The following CCDC93 variants were observed in gnomAD, a reference collection of about 807,000 sequenced individuals.
The protein encoded by CCDC93 is CCC complex scaffolding subunit CCDC93, also known as coiled-coil domain-containing protein 93.
CCDC93 carries 61 observed loss-of-function variants against 108.2 expected under a neutral mutation model. The ratio of observed to expected loss-of-function variants is 0.56; its 90% CI spans 0.46 to 0.70. The LOEUF is 0.70. Among genes scored for constraint, CCDC93 ranks in the 30% least tolerant of loss-of-function variants. The pLI, the probability that CCDC93 is intolerant of heterozygous loss-of-function variation, is 0.00. For missense variants in CCDC93, 685 were observed against 764.2 expected, an observed-to-expected ratio of 0.90 and a Z score of 1.22; for synonymous variants, 276 against 260.4, an observed-to-expected ratio of 1.06 and a Z score of -0.58.
At chr2:117,954,405 C>T (rs1679155033) in intron 12 of CCDC93, among the ~76,000 whole-genome samples, 1 of 151,786 alleles carries the variant, frequency 6.6e-6, no homozygotes, top group South Asian at 2.1e-4. Context: ...GAAGAAAAGG[C>T]TCATCTCTTT....
intron 18 of CCDC93, among the ~76,000 whole-genome samples, chr2:117,943,574 A>G (rs1051220392): frequency 2.3e-4 from 35 of 152,328 alleles, no homozygotes; most frequent in African/African-American, 8.4e-4. Flanking sequence ...AGTGTGACAC[A>G]AGGAATTTTT....
chr2:118,005,956 C>T (rs1238559456), intron 3 of CCDC93, among the ~76,000 whole-genome samples: 2 of 152,102 alleles, frequency 1.3e-5, no homozygotes, highest in African/African-American at 4.8e-5. Context: ...AATCTTTGGC[C>T]AACAGTAGGA....
chr2:118,007,679 AAAC>A (rs138720923), intron 2 of CCDC93, among the ~76,000 whole-genome samples: 8,544 of 152,236 alleles, frequency 0.056, 293 homozygotes, highest in Non-Finnish European at 0.082. Context: ...ACAAACAAAC[AAAC>A]AACAACAACA....
chr2:117,920,203 G>A lies in CCDC93; in HGVS notation c.*140C>T. ...AACAGAGATGAATGGAAGCAAAGAGGAGAAAGAAAACATCCAGGTTGTTGA... is the reference window on the plus strand; with the variant it reads ...AACAGAGATGAATGGAAGCAAAGAGAAGAAAGAAAACATCCAGGTTGTTGA... On this transcript the variant is annotated 3_prime_UTR_variant, in exon 24 of 24. Transcript: ENST00000376300. 3.6e-6 allele frequency: 2 copies of A among 558,026 alleles called. No homozygotes were observed. The highest frequency in any genetic ancestry group is 5.8e-5 in the East Asian group (2 of 34,692). The allele number at this position is 558,026 out of a possible 1,614,324, so 34.6% of individuals were successfully genotyped here.
In CCDC93 at chr2:117,931,029, C is replaced by T; in HGVS notation, c.1842+8G>A. ...TAGCCTTAATGTGCTACCCAGCCTT[C>T]CTCTTACCTCCTTGAACTCTTTCAC... On this transcript the variant is annotated splice_region_variant and intron_variant, in intron 23 of 23. Transcript: ENST00000376300. The T allele has an allele frequency of 4.5e-6, 7 of 1,568,914 alleles. No individual in the cohort carries two copies. Among genetic ancestry groups the T allele is most frequent in the Non-Finnish European group, 6.1e-6 (7 of 1,142,086 alleles).
At chr2:117,983,044 A>T (rs1236414783) in intron 7 of CCDC93, among the ~76,000 whole-genome samples, 2 of 152,188 alleles carry the variant, frequency 1.3e-5, no homozygotes. Context: ...TCTCTTATCT[A>T]TATAAAGACT....
At chr2:117,991,874 T>G (rs886090674) in intron 6 of CCDC93, among the ~76,000 whole-genome samples, 1 of 152,202 alleles carries the variant, frequency 6.6e-6, no homozygotes, top group Admixed American at 6.5e-5. Context: ...CTGTTTAATT[T>G]TTTGTACTGA....
At chr2:117,939,161 C>A (rs1043112343) in intron 19 of CCDC93, 50 bp from the exon 20 acceptor site, 2 of 1,070,822 alleles carry the variant, frequency 1.9e-6, no homozygotes, top group East Asian at 2.4e-5. Context: ...TATCAGAACA[C>A]CCTACCTGCC....
At chr2:117,925,161 A>G (rs953984856) in intron 23 of CCDC93, among the ~76,000 whole-genome samples, 71 of 152,358 alleles carry the variant, frequency 4.7e-4, no homozygotes, top group African/African-American at 1.6e-3. Flanking sequence ...CAGCCACTGC[A>G]AAAACATGCC....
intron 17 of CCDC93, among the ~76,000 whole-genome samples, chr2:117,945,048 A>G (rs1264142541): frequency 6.6e-6 from 1 of 152,236 alleles, no homozygotes; most frequent in African/African-American, 2.4e-5. Context: ...GAACACAGCC[A>G]TGTCCATTCA....
At position 118,008,671 on chromosome 2, in the gene CCDC93, G is replaced by T; in HGVS notation, c.43-13C>A. 1.3e-6 allele frequency: 2 copies of T among 1,555,748 alleles called. No homozygotes were observed. The highest frequency in any genetic ancestry group is 1.8e-6 in the Non-Finnish European group (2 of 1,128,942). ...CTCTTGTTTCCACCTAAAATAAAAG[G>T]TAAAACTTTGGCTGGTAAAAGATAT... On this transcript the variant is annotated splice_polypyrimidine_tract_variant and intron_variant, in intron 1 of 23. Coordinates refer to ENST00000376300, the MANE Select transcript of CCDC93 (RefSeq NM_019044.5).
rs2104739926 is a variant in CCDC93, at chr2:117,948,141, C to T, written c.1188G>A (p.Leu396=). 1.9e-6 allele frequency: 3 copies of T among 1,613,996 alleles called. No individual in the cohort carries two copies. Among genetic ancestry groups the T allele is most frequent in the Non-Finnish European group, 2.5e-6 (3 of 1,179,896 alleles). Residue 396 remains leucine (L), a synonymous_variant, in exon 15 of 24, where the codon CTG becomes CTA. Coordinates refer to ENST00000376300, the MANE Select transcript of CCDC93 (RefSeq NM_019044.5). ...LRALVAMNEN[L]KSQEQEFKAH... is the part of the protein sequence containing the mutation. Reference sequence around the variant, plus strand: ...CTTTAAATTCCTGTTCTTGACTTTTCAGATTTTCATTCATGGCTACAAGTG... The same window carrying T: ...CTTTAAATTCCTGTTCTTGACTTTTTAGATTTTCATTCATGGCTACAAGTG...
At chr2:117,982,758 G>C (rs1009477298) in intron 7 of CCDC93, among the ~76,000 whole-genome samples, 11 of 4,300 alleles carry the variant, frequency 2.6e-3, no homozygotes, top group East Asian at 0.25. Context: ...AGTGTAGTGG[G>C]GGGGGGGGTG....
intron 1 of CCDC93, among the ~76,000 whole-genome samples, chr2:118,010,413 C>A (rs2104837500): frequency 6.6e-6 from 1 of 152,242 alleles, no homozygotes; most frequent in South Asian, 2.1e-4. Context: ...AAATAAAAAA[C>A]CATCTCTCTA....
chr2:117,926,378 T>A (rs1307328493), intron 23 of CCDC93, among the ~76,000 whole-genome samples: 1 of 151,850 alleles, frequency 6.6e-6, no homozygotes, highest in Non-Finnish European at 1.5e-5. Flanking sequence ...CTAGCAAGAC[T>A]AATAAAGAAG....
At chr2:117,949,784 C>G (rs899860453) in intron 13 of CCDC93, 1 of 985,402 alleles carries the variant, frequency 1.0e-6, no homozygotes, top group Non-Finnish European at 1.2e-6. Context: ...GCCACCCCTT[C>G]TTGCCCTAAG....
At chr2:117,962,713 A>G (rs1425693478) in intron 11 of CCDC93, among the ~76,000 whole-genome samples, 1 of 152,224 alleles carries the variant, frequency 6.6e-6, no homozygotes, top group Non-Finnish European at 1.5e-5. Flanking sequence ...AAATCTAAGA[A>G]CTAGCAAGAA....
rs1677793241 is a variant in CCDC93 at position 117,919,542 on chromosome 2, A to G, written c.*801T>C. Reference sequence around the variant, plus strand: ...CGTAGCCTCATCAAATGTGCCTTCAATGAGGGGGATGCACAGCCCCTCTGC... The same window carrying G: ...CGTAGCCTCATCAAATGTGCCTTCAGTGAGGGGGATGCACAGCCCCTCTGC... On this transcript the variant is annotated 3_prime_UTR_variant, in exon 24 of 24. Coordinates refer to ENST00000376300, the MANE Select transcript of CCDC93 (RefSeq NM_019044.5). 2 of 152,292 alleles carry G rather than the reference A, an allele frequency of 1.3e-5. No individual in the cohort carries two copies. Among genetic ancestry groups the G allele is most frequent in the African/African-American group, 2.4e-5 (1 of 41,546 alleles). 9.4% of individuals were successfully genotyped at this position (152,292 alleles called of 1,614,324 possible). A position where few individuals can be genotyped will look rare whatever the true frequency, so the allele number is the denominator to read the frequency against.
Position 118,006,730 on chromosome 2 carries a change from A to C in CCDC93, c.243T>G (p.Gly81=). The C allele has an allele frequency of 6.2e-7, 1 of 1,600,980 alleles. No homozygotes were observed. Among genetic ancestry groups the C allele is most frequent in the Non-Finnish European group, 8.6e-7 (1 of 1,168,156 alleles). Residue 81 remains glycine (G), a synonymous_variant, in exon 3 of 24, where the codon GGT becomes GGG. Transcript: ENST00000376300. ...TCCATAGAAAAACTTACATTTTTTGACCTATCGTAGAGTTTTCTTGAAAGA... is the reference window on the plus strand; with the variant it reads ...TCCATAGAAAAACTTACATTTTTTGCCCTATCGTAGAGTTTTCTTGAAAGA... ...DLLFQENSTI[G]QKIALSEKIV... is the part of the protein sequence containing the mutation.
Sources: gnomAD v4.1 joint callset for allele counts (sites outside exome capture counted in the v4.1 genomes callset) on GRCh38, gnomAD v4.1.1 for gene constraint, MANE v1.5 for transcripts, NCBI Gene and HGNC (gene_info 2026-07-23, HGNC 2026-07-21) for gene names.